MDGA2: variants seen among roughly 807,000 people sequenced by gnomAD.
MDGA2 encodes MAM domain containing glycosylphosphatidylinositol anchor 2.
A neutral mutation model predicts 117.8 loss-of-function variants in MDGA2; 40 were observed. The observed-to-expected ratio is 0.34, with a 90% CI of 0.26 to 0.44. The LOEUF is 0.44. MDGA2 is among the 20% of genes least tolerant of loss of function. The pLI is 1.00. For synonymous variants in MDGA2, 452 were observed against 439.0 expected, an observed-to-expected ratio of 1.03 and a Z score of -0.37; for missense variants, 1,123 against 1,250.6, an observed-to-expected ratio of 0.90 and a Z score of 1.54.
intron 10 of MDGA2, among the ~76,000 whole-genome samples, chr14:46,892,165 C>G (rs1882909347): frequency 6.6e-6 from 1 of 151,648 alleles, no homozygotes; most frequent in Admixed American, 6.6e-5. Context: ...AGCATAAAAA[C>G]AGACATATAG....
intron 9 of MDGA2, among the ~76,000 whole-genome samples, chr14:46,952,680 A>C (rs1885411803): frequency 6.6e-6 from 1 of 151,958 alleles, no homozygotes; most frequent in Non-Finnish European, 1.5e-5. Flanking sequence ...AAAAGTCACC[A>C]TAACTGTAGC....
chr14:47,457,221 A>G (rs1161065380), intron 1 of MDGA2, among the ~76,000 whole-genome samples: 2 of 152,204 alleles, frequency 1.3e-5, no homozygotes, highest in African/African-American at 4.8e-5. Flanking sequence ...CATAAAAGGA[A>G]ATATTAGTCA....
intron 1 of MDGA2, among the ~76,000 whole-genome samples, chr14:47,318,029 G>A (rs922825047): frequency 6.6e-6 from 1 of 151,878 alleles, no homozygotes; most frequent in African/African-American, 2.4e-5. Flanking sequence ...ATAAGAACTT[G>A]CCCTTTTAAT....
intron 9 of MDGA2, among the ~76,000 whole-genome samples, chr14:46,940,319 A>G (rs571675003): frequency 3.3e-5 from 5 of 152,292 alleles, no homozygotes; most frequent in South Asian, 2.1e-4. Context: ...GACTAAAGCT[A>G]TATCTTTCCT....
intron 10 of MDGA2, among the ~76,000 whole-genome samples, chr14:46,902,112 T>A (rs147022614): frequency 6.6e-6 from 1 of 152,214 alleles, no homozygotes; most frequent in African/African-American, 2.4e-5. Context: ...AGGAGTTTTA[T>A]GCAAACCATA....
At position 47,074,129 on chromosome 14, in the gene MDGA2, TA is replaced by T. The variant is rs1291732711; in HGVS notation, c.1196-12552del. On this transcript the variant is annotated intron_variant, in intron 6 of 16. Transcript: ENST00000399232. ...ATGATTAATTAATTTAATTAATCAT[TA>T]ATTAAAACAAAGCAACAACAACTAA... Among the ~76,000 whole-genome samples the T allele has an allele frequency of 6.5e-5, 7 of 107,566 alleles. No homozygotes were observed. In the Admixed American group the frequency reaches 7.0e-4, roughly 11 times the overall value. The allele number at this position is 107,566 out of a possible 152,430, so 70.6% of individuals were successfully genotyped here. A position where few individuals can be genotyped will look rare whatever the true frequency, so the allele number is the denominator to read the frequency against.
chr14:46,891,374 A>G (rs1882878082), intron 10 of MDGA2, among the ~76,000 whole-genome samples: 1 of 151,732 alleles, frequency 6.6e-6, no homozygotes, highest in Non-Finnish European at 1.5e-5. Context: ...GAAAACATAC[A>G]GAATAAATAA....
At chr14:47,544,019 CT>C in intron 1 of MDGA2, among the ~76,000 whole-genome samples, 1 of 152,242 alleles carries the variant, frequency 6.6e-6, no homozygotes, top group South Asian at 2.1e-4. Context: ...TTCTTTGGTC[CT>C]CCTCAGGCAT....
chr14:46,943,706 G>C (rs1265503488), intron 9 of MDGA2, among the ~76,000 whole-genome samples: 1 of 151,878 alleles, frequency 6.6e-6, no homozygotes, highest in Non-Finnish European at 1.5e-5. Flanking sequence ...TGTGCTATTG[G>C]CATGTTTTAG....
chr14:47,071,269 T>C (rs1890270325), intron 6 of MDGA2, among the ~76,000 whole-genome samples: 1 of 152,174 alleles, frequency 6.6e-6, no homozygotes, highest in African/African-American at 2.4e-5. Context: ...TAAAGCTATC[T>C]TCTCCAATGT....
At chr14:47,016,943 A>AT (rs34919255) in intron 8 of MDGA2, among the ~76,000 whole-genome samples, 37,372 of 151,388 alleles carry the variant, frequency 0.25, 4,857 homozygotes, top group African/African-American at 0.27. Flanking sequence ...CATTTTTATT[A>AT]TTTTTTTCCA....
At chr14:47,354,340 C>T (rs1052433570) in intron 1 of MDGA2, among the ~76,000 whole-genome samples, 1 of 152,128 alleles carries the variant, frequency 6.6e-6, no homozygotes, top group South Asian at 2.1e-4. Flanking sequence ...GCAACCACTG[C>T]ACATTGAGTT....
At chr14:47,443,833 G>C (rs1446423479) in intron 1 of MDGA2, among the ~76,000 whole-genome samples, 1 of 152,150 alleles carries the variant, frequency 6.6e-6, no homozygotes, top group Non-Finnish European at 1.5e-5. Flanking sequence ...CCATAAGAGA[G>C]AGGGTCCAAG....
At chr14:47,201,762 A>C (rs1284388129) in intron 3 of MDGA2, among the ~76,000 whole-genome samples, 1 of 152,024 alleles carries the variant, frequency 6.6e-6, no homozygotes, top group Non-Finnish European at 1.5e-5. Flanking sequence ...GTTTTTCCTA[A>C]AGTTATCTGA....
chr14:47,392,998 A>G (rs999638810), intron 1 of MDGA2, among the ~76,000 whole-genome samples: 1 of 151,908 alleles, frequency 6.6e-6, no homozygotes, highest in African/African-American at 2.4e-5. Context: ...AAGCTTTTGC[A>G]GCTAAAAAAG....
At chr14:47,166,131 G>C (rs1002424109) in intron 3 of MDGA2, among the ~76,000 whole-genome samples, 1 of 149,986 alleles carries the variant, frequency 6.7e-6, no homozygotes, top group Admixed American at 6.7e-5. Context: ...CATCTCCTAG[G>C]TTCAAACGAT....
At chr14:47,291,484 C>T (rs539814315) in intron 2 of MDGA2, among the ~76,000 whole-genome samples, 10 of 150,244 alleles carry the variant, frequency 6.7e-5, no homozygotes, top group African/African-American at 1.9e-4. Flanking sequence ...CCTGATAACC[C>T]CAACGCAACT....
At chr14:47,159,980 T>C (rs1346097013) in intron 3 of MDGA2, among the ~76,000 whole-genome samples, 5 of 152,212 alleles carry the variant, frequency 3.3e-5, no homozygotes, top group Non-Finnish European at 7.3e-5. Context: ...TAATAAAGTA[T>C]GGCTAGTTTT....
intron 5 of MDGA2, among the ~76,000 whole-genome samples, chr14:47,107,697 AAAC>A (rs773207521): frequency 6.6e-6 from 1 of 151,340 alleles, no homozygotes; most frequent in East Asian, 1.9e-4. Context: ...ACCTTCTACA[AAAC>A]AACTCCTTTC....
Sources: gnomAD v4.1 joint callset for allele counts (sites outside exome capture counted in the v4.1 genomes callset) on GRCh38, gnomAD v4.1.1 for gene constraint, MANE v1.5 for transcripts, NCBI Gene and HGNC (gene_info 2026-07-23, HGNC 2026-07-21) for gene names.